The following CTNNA3 variants were observed in gnomAD, a reference collection of about 807,000 sequenced individuals.
CTNNA3 encodes catenin alpha-3.
In CTNNA3, 76 loss-of-function variants were observed where a neutral mutation model predicts 95.7. The observed-to-expected ratio is 0.79, with a 90% CI of 0.66 to 0.96. CTNNA3 has a LOEUF of 0.96. Ranked by LOEUF, CTNNA3 falls within the 40% of genes least tolerant of loss-of-function variation. The pLI, the probability that CTNNA3 is intolerant of heterozygous loss-of-function variation, is 0.00. For synonymous variants in CTNNA3, 431 were observed against 374.4 expected, an observed-to-expected ratio of 1.15 and a Z score of -1.74; for missense variants, 1,191 against 1,089.8, an observed-to-expected ratio of 1.09 and a Z score of -1.31.
chr10:66,648,967 C>T (rs1845802453), intron 9 of CTNNA3, among the ~76,000 whole-genome samples: 1 of 152,004 alleles, frequency 6.6e-6, no homozygotes, highest in East Asian at 1.9e-4. Context: ...GTAGAATTCT[C>T]TTTAGGAGAA....
chr10:66,199,806 T>TATATATATGTATATATATATA (rs1554887153), intron 13 of CTNNA3, among the ~76,000 whole-genome samples: 1 of 9,038 alleles, frequency 1.1e-4, no homozygotes, highest in Non-Finnish European at 1.8e-4. Flanking sequence ...TATATATATA[T>TATATATATGTATATATATATA]TTTTTTTTTT....
chr10:66,326,873 AAT>A (rs765923602), intron 12 of CTNNA3, among the ~76,000 whole-genome samples: 8 of 152,080 alleles, frequency 5.3e-5, no homozygotes, highest in Non-Finnish European at 1.0e-4. Flanking sequence ...AATTCTTTTC[AAT>A]ATGTGTTTTT....
At chr10:67,561,977 T>G (rs920747651) in intron 3 of CTNNA3, among the ~76,000 whole-genome samples, 6 of 152,298 alleles carry the variant, frequency 3.9e-5, no homozygotes, top group Admixed American at 2.0e-4. Flanking sequence ...CAACAGGATC[T>G]GAAATTGTGG....
intron 13 of CTNNA3, among the ~76,000 whole-genome samples, chr10:66,134,146 A>AT (rs1255436884): frequency 6.6e-6 from 1 of 152,172 alleles, no homozygotes; most frequent in Non-Finnish European, 1.5e-5. Flanking sequence ...CTCTAAATGT[A>AT]TAAAAAACTC....
At chr10:67,394,300 CAA>C (rs553742818) in intron 5 of CTNNA3, among the ~76,000 whole-genome samples, 10 of 128,656 alleles carry the variant, frequency 7.8e-5, no homozygotes, top group Non-Finnish European at 3.4e-5. Flanking sequence ...GAATGAATAT[CAA>C]AAAAAAAAAA....
At chr10:67,351,181 T>C (rs1842624027) in intron 5 of CTNNA3, among the ~76,000 whole-genome samples, 1 of 151,628 alleles carries the variant, frequency 6.6e-6, no homozygotes, top group South Asian at 2.1e-4. Context: ...AACAGATGAG[T>C]GGGTGTCAGG....
At chr10:67,525,380 A>G (rs1411864121) in intron 4 of CTNNA3, among the ~76,000 whole-genome samples, 1 of 152,186 alleles carries the variant, frequency 6.6e-6, no homozygotes, top group Non-Finnish European at 1.5e-5. Context: ...TAATCCATCA[A>G]ATAAAACAGC....
chr10:66,394,869 A>G (rs75480878), intron 11 of CTNNA3, among the ~76,000 whole-genome samples: 2,515 of 152,172 alleles, frequency 0.017, 75 homozygotes, highest in African/African-American at 0.059. Flanking sequence ...AACCCCCTAG[A>G]GGTATATGAC....
At chr10:67,054,891 C>G (rs1209572992) in intron 7 of CTNNA3, 3 of 152,098 alleles carry the variant, frequency 2.0e-5, no homozygotes, top group Non-Finnish European at 2.9e-5. Flanking sequence ...ATTATAGCAA[C>G]TACAGGGAAT....
chr10:66,690,172 G>A (rs375769525), intron 9 of CTNNA3, among the ~76,000 whole-genome samples: 2 of 152,224 alleles, frequency 1.3e-5, no homozygotes, highest in East Asian at 1.9e-4. Context: ...GTGTATTTGG[G>A]TATATGTTGA....
intron 7 of CTNNA3, among the ~76,000 whole-genome samples, chr10:67,128,597 C>A (rs1239745024): frequency 6.6e-6 from 1 of 152,072 alleles, no homozygotes; most frequent in Non-Finnish European, 1.5e-5. Flanking sequence ...AGCTTTACCC[C>A]TTTGACAAGA....
Position 66,766,288 on chromosome 10 carries a change from A to G in CTNNA3, c.1257T>C (p.His419=). The part of the protein sequence containing the change: ...KEIKEYAAIF[H]EHTSRLVEVA... ...CCTCTACAAGCCTGCTGGTGTGTTC[A>G]TGAAATATCGCAGCATATTCTTTTA... is the stretch of plus-strand genomic sequence containing the variant. Residue 419 remains histidine (H), a synonymous_variant, in exon 9 of 18, where the codon CAT becomes CAC. Transcript: ENST00000433211. 8 of 1,613,912 alleles carry G rather than the reference A, an allele frequency of 5.0e-6. No homozygotes were observed. The highest frequency in any genetic ancestry group is 5.9e-6 in the Non-Finnish European group (7 of 1,179,852).
chr10:67,418,462 A>AAATGGAT (rs1845620391), intron 5 of CTNNA3, among the ~76,000 whole-genome samples: 1 of 152,070 alleles, frequency 6.6e-6, no homozygotes, highest in South Asian at 2.1e-4. Context: ...ACACATAAAT[A>AAATGGAT]AATGGATAAA....
chr10:66,026,943 T>G (rs550472479), intron 15 of CTNNA3, among the ~76,000 whole-genome samples: 12 of 152,240 alleles, frequency 7.9e-5, no homozygotes, highest in South Asian at 2.1e-4. Flanking sequence ...CTAGGGGTTA[T>G]TTTTTCTCTT....
chr10:67,757,331 G>A (rs1841438584), intron 1 of CTNNA3, among the ~76,000 whole-genome samples: 1 of 152,182 alleles, frequency 6.6e-6, no homozygotes, highest in Non-Finnish European at 1.5e-5. Context: ...ACTCGACTGG[G>A]CTAACGGATG....
chr10:66,741,887 G>A (rs1004393038), intron 9 of CTNNA3, among the ~76,000 whole-genome samples: 14 of 151,948 alleles, frequency 9.2e-5, no homozygotes, highest in East Asian at 7.7e-4. Flanking sequence ...TCTTAATCCC[G>A]TCATCTTCAT....
At position 67,279,152 on chromosome 10, in the gene CTNNA3, A is replaced by G. The variant is rs192185681; in HGVS notation, c.580-59282T>C. 2.4e-4 allele frequency among the ~76,000 whole-genome samples: 36 copies of G among 152,330 alleles called. 1 individual carries two copies. The highest frequency in any genetic ancestry group is 8.7e-4 in the African/African-American group (36 of 41,586). On this transcript the variant is annotated intron_variant, in intron 5 of 17. Transcript: ENST00000433211. ...AAGTGACATTTACTGCACCCCAAAT[A>G]CATCGAGTCAGTCATAAAACCTAGA...
intron 11 of CTNNA3, among the ~76,000 whole-genome samples, chr10:66,437,315 T>A (rs1188938273): frequency 6.6e-6 from 1 of 152,194 alleles, no homozygotes; most frequent in South Asian, 2.1e-4. Context: ...CCTGTTACTT[T>A]CAGGTACACC....
intron 5 of CTNNA3, among the ~76,000 whole-genome samples, chr10:67,256,901 A>C (rs921417787): frequency 6.6e-6 from 1 of 152,288 alleles, no homozygotes; most frequent in South Asian, 2.1e-4. Context: ...TAAATAGTTA[A>C]GAAAAAGTTT....
Sources: gnomAD v4.1 joint callset for allele counts (sites outside exome capture counted in the v4.1 genomes callset) on GRCh38, gnomAD v4.1.1 for gene constraint, MANE v1.5 for transcripts, NCBI Gene and HGNC (gene_info 2026-07-23, HGNC 2026-07-21) for gene names.